Variants in ADARB2 observed in about 807,000 individuals in gnomAD.
The protein encoded by ADARB2 is inactive double-stranded RNA-specific editase B2.
In ADARB2, 25 loss-of-function variants were observed where a neutral mutation model predicts 62.2. The ratio of observed to expected loss-of-function variants is 0.40; its 90% CI spans 0.29 to 0.56. The LOEUF (loss-of-function observed/expected upper bound fraction) is 0.56. ADARB2 is among the 20% of genes least tolerant of loss of function. The pLI, the probability that ADARB2 is intolerant of heterozygous loss-of-function variation, is 0.43. For missense variants in ADARB2, 1,071 were observed against 1,077.4 expected, an observed-to-expected ratio of 0.99 and a Z score of 0.08; for synonymous variants, 572 against 500.8, an observed-to-expected ratio of 1.14 and a Z score of -1.90.
At chr10:1,618,656 C>T (rs927591763) in intron 1 of ADARB2, among the ~76,000 whole-genome samples, 1 of 151,966 alleles carries the variant, frequency 6.6e-6, no homozygotes, top group African/African-American at 2.4e-5. Context: ...GTGATGCTCC[C>T]CTCTCAGGCT....
chr10:1,719,843 T>C (rs1383688010), intron 1 of ADARB2, among the ~76,000 whole-genome samples: 1 of 152,222 alleles, frequency 6.6e-6, no homozygotes, highest in Non-Finnish European at 1.5e-5. Flanking sequence ...CACCATGCAA[T>C]ACCATCTCAT....
chr10:1,376,166 C>T (rs1832428032), intron 2 of ADARB2, among the ~76,000 whole-genome samples: 1 of 152,322 alleles, frequency 6.6e-6, no homozygotes, highest in African/African-American at 2.4e-5. Flanking sequence ...GGCAATGCCA[C>T]AGGGATCTAG....
At chr10:1,437,217 TAC>T (rs1432067355) in intron 1 of ADARB2, among the ~76,000 whole-genome samples, 7 of 148,716 alleles carry the variant, frequency 4.7e-5, no homozygotes, top group African/African-American at 1.7e-4. Flanking sequence ...TAATTTGGTA[TAC>T]ATATATATAT....
At chr10:1,562,831 G>T (rs1832802974) in intron 1 of ADARB2, among the ~76,000 whole-genome samples, 1 of 152,234 alleles carries the variant, frequency 6.6e-6, no homozygotes, top group Admixed American at 6.5e-5. Flanking sequence ...CACTGCATGG[G>T]CTGGAGACAA....
chr10:1,418,574 GC>G (rs1832825761), intron 1 of ADARB2, among the ~76,000 whole-genome samples: 1 of 152,188 alleles, frequency 6.6e-6, no homozygotes, highest in South Asian at 2.1e-4. Flanking sequence ...AAAACAGCCC[GC>G]AGTAAAAAGC....
chr10:1,415,365 A>C (rs1336163759), intron 1 of ADARB2, among the ~76,000 whole-genome samples: 1 of 152,042 alleles, frequency 6.6e-6, no homozygotes, highest in East Asian at 1.9e-4. Context: ...TGGATCATGG[A>C]TAGATGGGTG....
At chr10:1,567,117 A>C (rs374007254) in intron 1 of ADARB2, among the ~76,000 whole-genome samples, 1 of 152,092 alleles carries the variant, frequency 6.6e-6, no homozygotes, top group African/African-American at 2.4e-5. Flanking sequence ...GTGGGCACCC[A>C]TGTGGGTGAG....
At chr10:1,444,012 C>CCCATCCAT (rs766674526) in intron 1 of ADARB2, among the ~76,000 whole-genome samples, 64 of 150,660 alleles carry the variant, frequency 4.2e-4, no homozygotes, top group Non-Finnish European at 5.6e-4. Context: ...TGTCCATCCA[C>CCCATCCAT]CCATCCATCC....
intron 3 of ADARB2, among the ~76,000 whole-genome samples, chr10:1,351,913 T>C (rs1377612839): frequency 6.8e-6 from 1 of 148,016 alleles, no homozygotes; most frequent in East Asian, 1.9e-4. Context: ...CACCCCTTGG[T>C]GCCAAACCCA....
intron 4 of ADARB2, among the ~76,000 whole-genome samples, chr10:1,270,557 G>A (rs1831251348): frequency 6.6e-6 from 1 of 151,222 alleles, no homozygotes; most frequent in South Asian, 2.1e-4. Flanking sequence ...CTCGCGGCTG[G>A]GTCACCCTTG....
chr10:1,314,793 G>A (rs1426723745), intron 3 of ADARB2, among the ~76,000 whole-genome samples: 2 of 152,196 alleles, frequency 1.3e-5, no homozygotes, highest in East Asian at 1.9e-4. Flanking sequence ...AGCTTCAGCG[G>A]CTCTCCAGGA....
At chr10:1,677,094 T>C (rs192622860) in intron 1 of ADARB2, among the ~76,000 whole-genome samples, 4 of 152,356 alleles carry the variant, frequency 2.6e-5, no homozygotes, top group African/African-American at 9.6e-5. Context: ...CTGAGGCCAT[T>C]TCATCAACAT....
At chr10:1,212,238 A>C (rs1837163507) in intron 7 of ADARB2, among the ~76,000 whole-genome samples, 1 of 152,274 alleles carries the variant, frequency 6.6e-6, no homozygotes, top group Non-Finnish European at 1.5e-5. Context: ...GATAGAAAAC[A>C]GATGAACACA....
At chr10:1,728,610 T>C (rs1835194987) in intron 1 of ADARB2, among the ~76,000 whole-genome samples, 1 of 152,214 alleles carries the variant, frequency 6.6e-6, no homozygotes, top group South Asian at 2.1e-4. Context: ...CCTGTCATGA[T>C]TTAACTTCCC....
chr10:1,278,289 C>CT lies in ADARB2; in HGVS notation c.1078-7221dup, dbSNP rs76796387. On this transcript the variant is annotated intron_variant, in intron 3 of 9. Transcript: ENST00000381312. ...AGCCACCACACCCGGTCCTTTTTTT[C>CT]TTTTTTTTTTTTTAAGTTTCAACTT... 3.3e-3 allele frequency among the ~76,000 whole-genome samples: 469 copies of CT among 141,418 alleles called. 2 individuals carry two copies. The highest frequency in any genetic ancestry group is 0.021 in the East Asian group (101 of 4,782). The allele number at this position is 141,418 out of a possible 152,430, so 92.8% of individuals were successfully genotyped here. A position where few individuals can be genotyped will look rare whatever the true frequency, so the allele number is the denominator to read the frequency against.
intron 1 of ADARB2, among the ~76,000 whole-genome samples, chr10:1,631,755 GTTC>G (rs1484929272): frequency 4.6e-5 from 7 of 152,168 alleles, no homozygotes; most frequent in African/African-American, 1.7e-4. Context: ...ATGTGGCTCG[GTTC>G]ACAGTTAGGA....
At chr10:1,585,987 T>TC (rs1833175529) in intron 1 of ADARB2, among the ~76,000 whole-genome samples, 2 of 152,228 alleles carry the variant, frequency 1.3e-5, no homozygotes, top group South Asian at 4.2e-4. Context: ...TGAGCCAAGA[T>TC]AGCGCCACTG....
intron 7 of ADARB2, among the ~76,000 whole-genome samples, chr10:1,214,444 C>T (rs1192334592): frequency 5.4e-5 from 7 of 129,390 alleles, no homozygotes; most frequent in Non-Finnish European, 1.0e-4. Flanking sequence ...TGTAGGTTTG[C>T]ACCTGTACCC....
intron 1 of ADARB2, among the ~76,000 whole-genome samples, chr10:1,425,684 A>C (rs1832888448): frequency 6.6e-6 from 1 of 152,230 alleles, no homozygotes; most frequent in Non-Finnish European, 1.5e-5. Flanking sequence ...CATAAAAACC[A>C]GCTGTGCTCC....
Sources: allele counts gnomAD v4.1 joint callset (sites outside exome capture counted in the v4.1 genomes callset), GRCh38; gene constraint gnomAD v4.1.1; transcripts MANE v1.5; gene names NCBI Gene and HGNC (gene_info 2026-07-23, HGNC 2026-07-21).